Variants in PTPRD observed in about 807,000 individuals in gnomAD.
PTPRD encodes the protein receptor-type tyrosine-protein phosphatase delta.
In PTPRD, 34 loss-of-function variants were observed where a neutral mutation model predicts 214.5. The ratio of observed to expected loss-of-function variants is 0.16; its 90% CI spans 0.12 to 0.21. The LOEUF (loss-of-function observed/expected upper bound fraction) is 0.21. Among genes scored for constraint, PTPRD ranks in the 10% least tolerant of loss-of-function variants. PTPRD has a pLI of 1.00. For missense variants in PTPRD, 2,545 were observed against 2,398.7 expected, an observed-to-expected ratio of 1.06 and a Z score of -1.27; for synonymous variants, 1,128 against 845.7, an observed-to-expected ratio of 1.33 and a Z score of -5.79.
Position 8,338,903 on chromosome 9 carries a change from G to T in PTPRD, c.5379+19C>A, listed in dbSNP as rs779649933. The stretch of plus-strand genomic sequence containing the variant: ...ACTTTTCAGCTAATGGTTAAGAGTT[G>T]AAGACTGTGCCAACTTACCCTGGCA... On this transcript the variant is annotated intron_variant, in intron 43 of 45. Transcript: ENST00000381196. 6.3e-7 allele frequency: 1 copy of T among 1,588,506 alleles called. No homozygotes were observed. The highest frequency in any genetic ancestry group is 8.6e-7 in the Non-Finnish European group (1 of 1,163,258).
rs560662688 is a variant in PTPRD at position 9,257,788 on chromosome 9, A to T, written c.-202-74425T>A. Among the ~76,000 whole-genome samples, 5 of 151,664 alleles carry T rather than the reference A, an allele frequency of 3.3e-5. No homozygotes were observed. The East Asian group carries it at 7.8e-4, about 24-fold the overall frequency. On this transcript the variant is annotated intron_variant, in intron 9 of 45. Coordinates refer to ENST00000381196, the MANE Select transcript of PTPRD (RefSeq NM_002839.4). ...GACAAAATGAGACCCTGTCTCAATT[A>T]AAAAAAATCTCTGTGCCAGGGCAAA...
intron 12 of PTPRD, chr9:8,713,214 G>C (rs369621231): frequency 1.7e-6 from 1 of 578,862 alleles, no homozygotes; most frequent in Non-Finnish European, 3.1e-6. Flanking sequence ...TCTGAAATTT[G>C]GTATCCAGTT....
chr9:9,828,466 A>G (rs568283035), intron 5 of PTPRD, among the ~76,000 whole-genome samples: 1 of 152,218 alleles, frequency 6.6e-6, no homozygotes, highest in Admixed American at 6.6e-5. Flanking sequence ...ACACATGGAC[A>G]CAGGAAGGGG....
At chr9:8,509,226 C>A (rs1243171325) in intron 21 of PTPRD, among the ~76,000 whole-genome samples, 2 of 151,992 alleles carry the variant, frequency 1.3e-5, no homozygotes, top group Non-Finnish European at 2.9e-5. Context: ...AATAGGCAAA[C>A]TGCAAAGCAA....
chr9:10,493,869 T>G (rs1259443508), intron 2 of PTPRD, among the ~76,000 whole-genome samples: 2 of 151,984 alleles, frequency 1.3e-5, no homozygotes, highest in Non-Finnish European at 2.9e-5. Flanking sequence ...TAATTATACC[T>G]AATAACTATG....
chr9:9,522,782 G>T (rs1268752249), intron 8 of PTPRD, among the ~76,000 whole-genome samples: 1 of 152,092 alleles, frequency 6.6e-6, no homozygotes, highest in Admixed American at 6.6e-5. Flanking sequence ...GAAACTTAAG[G>T]CTCTTTAGAT....
intron 11 of PTPRD, among the ~76,000 whole-genome samples, chr9:8,886,495 T>C (rs1416341742): frequency 6.6e-6 from 1 of 152,242 alleles, no homozygotes; most frequent in Admixed American, 6.5e-5. Context: ...AATTACCTTA[T>C]AGCTCTTTTT....
intron 5 of PTPRD, among the ~76,000 whole-genome samples, chr9:9,828,369 C>G (rs1370170014): frequency 6.6e-6 from 1 of 151,874 alleles, no homozygotes; most frequent in African/African-American, 2.4e-5. Flanking sequence ...ATGGATGAAA[C>G]TGGAAATCAT....
At chr9:10,258,170 G>C (rs1439718020) in intron 3 of PTPRD, among the ~76,000 whole-genome samples, 2 of 152,192 alleles carry the variant, frequency 1.3e-5, no homozygotes, top group Non-Finnish European at 2.9e-5. Context: ...GTCTAAACTA[G>C]TTGTAGTTGG....
At chr9:10,231,559 G>A (rs931604461) in intron 3 of PTPRD, among the ~76,000 whole-genome samples, 1 of 149,214 alleles carries the variant, frequency 6.7e-6, no homozygotes, top group Non-Finnish European at 1.5e-5. Context: ...GTGGGGTAGG[G>A]AGGAGGTGGT....
chr9:9,837,476 A>G (rs1018550218), intron 5 of PTPRD, among the ~76,000 whole-genome samples: 6 of 152,120 alleles, frequency 3.9e-5, no homozygotes, highest in Non-Finnish European at 7.4e-5. Flanking sequence ...CTTGATGGGA[A>G]GTAGGTCCAG....
chr9:9,714,975 G>C (rs1001114495), intron 7 of PTPRD, among the ~76,000 whole-genome samples: 10 of 152,194 alleles, frequency 6.6e-5, no homozygotes, highest in African/African-American at 2.4e-4. Context: ...CATGACTATT[G>C]TGTTTCTTTT....
intron 9 of PTPRD, among the ~76,000 whole-genome samples, chr9:9,276,423 C>G (rs1025344273): frequency 1.3e-5 from 2 of 151,298 alleles, no homozygotes; most frequent in African/African-American, 4.8e-5. Flanking sequence ...TCAACAGGAA[C>G]TGTTTTGGTA....
intron 9 of PTPRD, among the ~76,000 whole-genome samples, chr9:9,257,173 A>G (rs375937520): frequency 6.6e-6 from 1 of 151,972 alleles, no homozygotes; most frequent in South Asian, 2.1e-4. Context: ...GTAGAAAACA[A>G]AACTCTGGAG....
intron 2 of PTPRD, among the ~76,000 whole-genome samples, chr9:10,437,759 A>C (rs2098729769): frequency 6.6e-6 from 1 of 151,216 alleles, no homozygotes; most frequent in Admixed American, 6.6e-5. Flanking sequence ...AGAATAGTCC[A>C]TTTTTGTTTT....
intron 43 of PTPRD, 119 bp from the exon 44 acceptor site, chr9:8,331,855 T>G: frequency 8.2e-7 from 1 of 1,221,886 alleles, no homozygotes; most frequent in East Asian, 2.6e-5. Flanking sequence ...TAGAAAAAGT[T>G]AGGAACATGT....
chr9:9,372,979 T>C (rs2059919932), intron 9 of PTPRD, among the ~76,000 whole-genome samples: 1 of 152,052 alleles, frequency 6.6e-6, no homozygotes, highest in Admixed American at 6.6e-5. Flanking sequence ...AAAATACCAG[T>C]TTAGAGTCTC....
intron 14 of PTPRD, among the ~76,000 whole-genome samples, chr9:8,615,683 C>T (rs1427214469): frequency 6.6e-6 from 1 of 151,796 alleles, no homozygotes; most frequent in East Asian, 1.9e-4. Flanking sequence ...CTTTTCCTGT[C>T]TTTATTTAAT....
chr9:9,781,918 A>G (rs906276883), intron 5 of PTPRD, among the ~76,000 whole-genome samples: 10 of 151,446 alleles, frequency 6.6e-5, no homozygotes, highest in Non-Finnish European at 5.9e-5. Context: ...TCAGCCTCCC[A>G]AGTAGCTGGG....
Sources: gnomAD v4.1 joint callset for allele counts (sites outside exome capture counted in the v4.1 genomes callset) on GRCh38, gnomAD v4.1.1 for gene constraint, MANE v1.5 for transcripts, NCBI Gene and HGNC (gene_info 2026-07-23, HGNC 2026-07-21) for gene names.